The following PRKCB variants were observed in gnomAD, a reference collection of about 807,000 sequenced individuals.
PRKCB encodes protein kinase C beta type.
A neutral mutation model predicts 81.5 loss-of-function variants in PRKCB; 13 were observed. The observed-to-expected ratio is 0.16, with a 90% CI of 0.10 to 0.25. The LOEUF is 0.25. PRKCB is among the 10% of genes least tolerant of loss of function. The pLI, the probability that PRKCB is intolerant of heterozygous loss-of-function variation, is 1.00. For missense variants in PRKCB, 509 were observed against 875.7 expected (o/e 0.58, Z 5.29); for synonymous variants, 335 against 321.4 (o/e 1.04, Z -0.45).
chr16:23,860,952 AGT>A (rs1419654084), intron 2 of PRKCB, among the ~76,000 whole-genome samples: 1 of 152,008 alleles, frequency 6.6e-6, no homozygotes, highest in African/African-American at 2.4e-5. Flanking sequence ...GGTTAAGGAG[AGT>A]GTCTTAGTTT....
chr16:23,856,524 G>A (rs1021354915), intron 2 of PRKCB, among the ~76,000 whole-genome samples: 10 of 53,184 alleles, frequency 1.9e-4, no homozygotes, highest in East Asian at 6.1e-4. Flanking sequence ...ATTGTTTCAC[G>A]AAACTTTTTT....
chr16:24,058,640 G>A (rs1965935924), intron 5 of PRKCB, among the ~76,000 whole-genome samples: 1 of 152,194 alleles, frequency 6.6e-6, no homozygotes. Context: ...CTAGGCTGAA[G>A]TGTAACCACA....
intron 9 of PRKCB, among the ~76,000 whole-genome samples, chr16:24,147,943 G>T (rs1967019692): frequency 6.6e-6 from 1 of 151,896 alleles, no homozygotes; most frequent in Admixed American, 6.6e-5. Context: ...TTTTTTCCTT[G>T]GCACAAACAC....
At chr16:23,858,371 G>A (rs1208722952) in intron 2 of PRKCB, among the ~76,000 whole-genome samples, 1 of 152,120 alleles carries the variant, frequency 6.6e-6, no homozygotes, top group Non-Finnish European at 1.5e-5. Context: ...GGTGAGGAAG[G>A]CCCCGTAAGA....
intron 5 of PRKCB, among the ~76,000 whole-genome samples, chr16:24,041,903 G>GA (rs1965702358): frequency 6.6e-6 from 1 of 151,588 alleles, no homozygotes; most frequent in Admixed American, 6.6e-5. Flanking sequence ...AGAATCGCTT[G>GA]GACCCAGGAG....
intron 5 of PRKCB, among the ~76,000 whole-genome samples, chr16:24,086,865 C>CTGTA (rs1318931298): frequency 6.6e-6 from 1 of 152,062 alleles, no homozygotes; most frequent in Non-Finnish European, 1.5e-5. Context: ...ATGCATTTTA[C>CTGTA]TGTACCTTTC....
chr16:24,040,673 C>T (rs747750691), intron 5 of PRKCB, among the ~76,000 whole-genome samples: 8 of 152,190 alleles, frequency 5.3e-5, no homozygotes, highest in Non-Finnish European at 1.0e-4. Flanking sequence ...CTGGAGGATC[C>T]TGATAGATAG....
chr16:24,174,470 T>C, intron 11 of PRKCB, 48 bp from the exon 12 acceptor site: 1 of 1,527,828 alleles, frequency 6.5e-7, no homozygotes, highest in Non-Finnish European at 9.0e-7. Flanking sequence ...GCCAAGCATA[T>C]GGTGTCCTTG....
chr16:24,143,474 C>T (rs1966936802), intron 9 of PRKCB, among the ~76,000 whole-genome samples: 1 of 152,084 alleles, frequency 6.6e-6, no homozygotes, highest in South Asian at 2.1e-4. Context: ...GTCCTTGCAA[C>T]AGATGAGTAC....
chr16:23,847,551 A>ATCCATCCAT lies in PRKCB; in HGVS notation c.205+10145_205+10146insTCCATCCAT, dbSNP rs1567288458. On this transcript the variant is annotated intron_variant, in intron 2 of 16. Coordinates refer to ENST00000643927, the MANE Select transcript of PRKCB (RefSeq NM_002738.7). ...AGCTATTCTTCCATTCATCCATCCAACCATCCATCCATCCATCCATCCATC... is the reference window on the plus strand; with the variant it reads ...AGCTATTCTTCCATTCATCCATCCAATCCATCCATCCATCCATCCATCCATCCATCCATC... Among the ~76,000 whole-genome samples the ATCCATCCAT allele has an allele frequency of 3.8e-3, 259 of 68,374 alleles. 1 individual carries two copies. The highest frequency in any genetic ancestry group is 0.016 in the East Asian group (48 of 3,012). 44.9% of individuals were successfully genotyped at this position (68,374 alleles called of 152,430 possible).
In PRKCB at chr16:24,217,182, G is replaced by A. The variant is rs2021847; in HGVS notation, c.*2366G>A. 34 of 920,630 alleles carry A rather than the reference G, an allele frequency of 3.7e-5. No individual in the cohort carries two copies. The highest frequency in any genetic ancestry group is 5.6e-4 in the Middle Eastern group (1 of 1,796). 57.0% of individuals were successfully genotyped at this position (920,630 alleles called of 1,614,324 possible). A position where few individuals can be genotyped will look rare whatever the true frequency, so the allele number is the denominator to read the frequency against. On this transcript the variant is annotated 3_prime_UTR_variant, in exon 17 of 17. Coordinates refer to ENST00000643927, the MANE Select transcript of PRKCB (RefSeq NM_002738.7). ...GAAGGAAAAGAAGGAAGGAAGGAAG[G>A]AATATAGTGTTATAAATACTGCACT...
intron 2 of PRKCB, among the ~76,000 whole-genome samples, chr16:23,840,308 C>T (rs1962242646): frequency 1.3e-5 from 2 of 152,166 alleles, no homozygotes; most frequent in East Asian, 1.9e-4. Flanking sequence ...AGCCCAGGGC[C>T]TCAGGTTCCT....
intron 15 of PRKCB, among the ~76,000 whole-genome samples, chr16:24,187,405 A>C (rs1236802418): frequency 1.3e-5 from 2 of 152,234 alleles, no homozygotes; most frequent in African/African-American, 4.8e-5. Flanking sequence ...ATAGCACTCC[A>C]CATTGGGTTC....
At chr16:24,026,841 C>A (rs759270394) in intron 3 of PRKCB, among the ~76,000 whole-genome samples, 3 of 152,124 alleles carry the variant, frequency 2.0e-5, no homozygotes, top group Non-Finnish European at 4.4e-5. Context: ...GGCAAGGATG[C>A]CTTTTAACCT....
intron 3 of PRKCB, among the ~76,000 whole-genome samples, chr16:23,990,244 G>A (rs1444625946): frequency 6.6e-6 from 1 of 151,964 alleles, no homozygotes; most frequent in Non-Finnish European, 1.5e-5. Context: ...AGATCACAAG[G>A]TCAGGAGATC....
rs113646580 is a variant in PRKCB, at chr16:23,930,407, A to G, written c.206-58101A>G. On this transcript the variant is annotated intron_variant, in intron 2 of 16. Transcript: ENST00000643927. ...AACATGGTGAAACCCTATCTCTACT[A>G]AAAATACAAAAATTAGCCTGGTATG... 3.6e-3 allele frequency among the ~76,000 whole-genome samples: 555 copies of G among 152,126 alleles called. 1 individual carries two copies. Among genetic ancestry groups the G allele is most frequent in the African/African-American group, 0.013 (525 of 41,536 alleles).
In PRKCB at chr16:24,219,653, G is replaced by A. The variant is rs1968288935; in HGVS notation, c.*4837G>A. ...TCATCCTAAAGCCAAAGAAAATACA[G>A]CAACACACACACACACACACACACA... On this transcript the variant is annotated 3_prime_UTR_variant, in exon 17 of 17. Transcript: ENST00000643927. 1.1e-6 allele frequency: 1 copy of A among 904,554 alleles called. No homozygotes were observed. The highest frequency in any genetic ancestry group is 1.3e-6 in the Non-Finnish European group (1 of 764,682). 56.0% of individuals were successfully genotyped at this position (904,554 alleles called of 1,614,324 possible).
At chr16:24,135,310 C>CTTTTTTTTTTT (rs33975464) in intron 9 of PRKCB, among the ~76,000 whole-genome samples, 1 of 112,262 alleles carries the variant, frequency 8.9e-6, no homozygotes, top group Non-Finnish European at 1.7e-5. Context: ...CTCAGTGTCC[C>CTTTTTTTTTTT]TTTTTTTTTT....
intron 8 of PRKCB, among the ~76,000 whole-genome samples, chr16:24,114,613 A>G (rs1395760692): frequency 6.6e-6 from 1 of 152,078 alleles, no homozygotes; most frequent in Non-Finnish European, 1.5e-5. Flanking sequence ...TTACAAAGAA[A>G]ATGTTTGGGG....
Sources: gnomAD v4.1 joint callset for allele counts (sites outside exome capture counted in the v4.1 genomes callset) on GRCh38, gnomAD v4.1.1 for gene constraint, MANE v1.5 for transcripts, NCBI Gene and HGNC (gene_info 2026-07-23, HGNC 2026-07-21) for gene names.